Variants in EYS observed in about 807,000 individuals in gnomAD.
EYS encodes the protein protein eyes shut homolog.
EYS carries 250 observed loss-of-function variants against 282.1 expected under a neutral mutation model. The ratio of observed to expected loss-of-function variants is 0.89; its 90% CI spans 0.80 to 0.98. The LOEUF (loss-of-function observed/expected upper bound fraction) is 0.98. Ranked by LOEUF, EYS falls within the 50% of genes least tolerant of loss-of-function variation. The pLI is 0.00. For synonymous variants in EYS, 1,355 were observed against 1,282.9 expected (o/e 1.06, Z -1.20); for missense variants, 4,016 against 3,709.0 (o/e 1.08, Z -2.15).
At chr6:65,046,173 C>G (rs530827207) in intron 13 of EYS, among the ~76,000 whole-genome samples, 1 of 151,828 alleles carries the variant, frequency 6.6e-6, no homozygotes, top group Admixed American at 6.6e-5. Flanking sequence ...CTATGCAACT[C>G]CTCTTAGGCT....
chr6:64,344,111 C>A (rs977924708), intron 29 of EYS, among the ~76,000 whole-genome samples: 1 of 152,008 alleles, frequency 6.6e-6, no homozygotes, highest in South Asian at 2.1e-4. Flanking sequence ...GATTCACAGC[C>A]GAATTCTACC....
chr6:63,748,993 C>T (rs775740653), intron 41 of EYS, among the ~76,000 whole-genome samples: 5 of 152,188 alleles, frequency 3.3e-5, no homozygotes, highest in Admixed American at 6.5e-5. Flanking sequence ...TTCAGTTCAG[C>T]TCTGATTTTG....
At chr6:64,090,573 G>C (rs1282997805) in intron 31 of EYS, among the ~76,000 whole-genome samples, 1 of 151,946 alleles carries the variant, frequency 6.6e-6, no homozygotes, top group East Asian at 1.9e-4. Flanking sequence ...TTCCTTAAAT[G>C]CAGGCAGAGT....
At chr6:64,348,201 T>C (rs1024555890) in intron 29 of EYS, among the ~76,000 whole-genome samples, 1 of 151,490 alleles carries the variant, frequency 6.6e-6, no homozygotes, top group Admixed American at 6.6e-5. Context: ...ACTTCTCATT[T>C]GTTTCTCATG....
chr6:64,904,880 C>T (rs903966988), intron 16 of EYS, among the ~76,000 whole-genome samples: 6 of 152,118 alleles, frequency 3.9e-5, no homozygotes, highest in Non-Finnish European at 8.8e-5. Context: ...CAGCTAGCAA[C>T]ATATGTCAAT....
At chr6:65,385,380 C>T (rs1765760727) in intron 7 of EYS, among the ~76,000 whole-genome samples, 1 of 151,842 alleles carries the variant, frequency 6.6e-6, no homozygotes, top group African/African-American at 2.4e-5. Flanking sequence ...ACTGAAATAG[C>T]ATCAATAAAA....
At chr6:65,162,468 G>A (rs906215099) in intron 12 of EYS, among the ~76,000 whole-genome samples, 2 of 151,086 alleles carry the variant, frequency 1.3e-5, no homozygotes, top group Non-Finnish European at 3.0e-5. Flanking sequence ...ATCAGCTTTA[G>A]GCCTGTGACT....
chr6:63,959,171 G>A (rs928080906), intron 35 of EYS, among the ~76,000 whole-genome samples: 1 of 151,922 alleles, frequency 6.6e-6, no homozygotes, highest in African/African-American at 2.4e-5. Flanking sequence ...AAATTTACAA[G>A]AATAAAACAA....
chr6:63,973,575 A>C (rs1766692172), intron 35 of EYS, among the ~76,000 whole-genome samples: 1 of 152,166 alleles, frequency 6.6e-6, no homozygotes, highest in Non-Finnish European at 1.5e-5. Flanking sequence ...TTTTTGAAAC[A>C]AAAATTTAAA....
At chr6:64,939,634 C>G (rs1401418178) in intron 15 of EYS, among the ~76,000 whole-genome samples, 3 of 151,258 alleles carry the variant, frequency 2.0e-5, no homozygotes, top group Non-Finnish European at 4.4e-5. Flanking sequence ...TATTTTGAAC[C>G]AATAGGTGGA....
At position 64,945,798 on chromosome 6, in the gene EYS, G is replaced by T; in HGVS notation, c.2376C>A (p.Ser792Arg). Residue 792 changes from serine (S) to arginine (R), a missense_variant, in exon 15 of 43, where the codon AGC becomes AGA. Physicochemically the swap from Ser to Arg is moderately radical, Grantham distance 110. Transcript: ENST00000503581. ...NNSTCTDLYKSYRCECTSGWT... is the reference protein window; with the variant it reads ...NNSTCTDLYKRYRCECTSGWT... ...GCTAAAAATATGTTACTCACCGATAGCTTTTGTAAAGGTCAGTACAGGTGG... is the reference window on the plus strand; with the variant it reads ...GCTAAAAATATGTTACTCACCGATATCTTTTGTAAAGGTCAGTACAGGTGG... The T allele has an allele frequency of 6.5e-7, 1 of 1,549,116 alleles. No individual in the cohort carries two copies. Among genetic ancestry groups the T allele is most frequent in the Non-Finnish European group, 8.7e-7 (1 of 1,145,396 alleles).
chr6:64,979,829 T>C (rs1246352742), intron 14 of EYS, among the ~76,000 whole-genome samples: 3 of 151,648 alleles, frequency 2.0e-5, no homozygotes, highest in Non-Finnish European at 4.4e-5. Context: ...TACTATTGTA[T>C]AGATTAATTA....
chr6:64,023,869 G>A (rs6902200), intron 33 of EYS, among the ~76,000 whole-genome samples: 46,704 of 152,136 alleles, frequency 0.31, 7,448 homozygotes, highest in Middle Eastern at 0.39. Flanking sequence ...CCCCGCACTC[G>A]TAGTGGCCGG....
chr6:64,828,430 A>C (rs530462712), intron 19 of EYS, among the ~76,000 whole-genome samples: 1 of 152,092 alleles, frequency 6.6e-6, no homozygotes, highest in South Asian at 2.1e-4. Context: ...TGTTTGGAGC[A>C]TATATCTTAG....
chr6:64,448,933 C>CT (rs1042096581), intron 26 of EYS, among the ~76,000 whole-genome samples: 1 of 152,126 alleles, frequency 6.6e-6, no homozygotes, highest in Non-Finnish European at 1.5e-5. Context: ...ATGGGAAACT[C>CT]TAAAAATCAG....
At chr6:64,476,246 A>G (rs1192433252) in intron 26 of EYS, among the ~76,000 whole-genome samples, 1 of 152,148 alleles carries the variant, frequency 6.6e-6, no homozygotes, top group Non-Finnish European at 1.5e-5. Context: ...CTTGTAGTTA[A>G]CTATTCGCAT....
At chr6:65,138,710 C>T (rs1435002221) in intron 12 of EYS, among the ~76,000 whole-genome samples, 1 of 151,940 alleles carries the variant, frequency 6.6e-6, no homozygotes, top group Admixed American at 6.6e-5. Context: ...AAAAATAGCA[C>T]CCCCAAATGC....
At chr6:64,023,776 G>C (rs1257906117) in intron 33 of EYS, among the ~76,000 whole-genome samples, 1 of 152,226 alleles carries the variant, frequency 6.6e-6, no homozygotes, top group Non-Finnish European at 1.5e-5. Context: ...GAGGTGTGGA[G>C]GGACAGGCGC....
chr6:65,098,392 A>G (rs1774799418), intron 12 of EYS, among the ~76,000 whole-genome samples: 1 of 150,760 alleles, frequency 6.6e-6, no homozygotes, highest in Non-Finnish European at 1.5e-5. Flanking sequence ...TTCTCTTAAT[A>G]TGAGAAAGAA....
Sources: allele counts gnomAD v4.1 joint callset (sites outside exome capture counted in the v4.1 genomes callset), GRCh38; gene constraint gnomAD v4.1.1; transcripts MANE v1.5; gene names NCBI Gene and HGNC (gene_info 2026-07-23, HGNC 2026-07-21).